The following MYLK variants were observed in gnomAD, a reference collection of about 807,000 sequenced individuals.
The protein encoded by MYLK is myosin light chain kinase.
Under a neutral mutation model 203.4 loss-of-function variants are expected in MYLK, and 106 were observed. The observed-to-expected ratio is 0.52, with a 90% confidence interval of 0.45 to 0.61. MYLK has a LOEUF of 0.61. Ranked by LOEUF, MYLK falls within the 20% of genes least tolerant of loss-of-function variation. The pLI is 0.00. For synonymous variants in MYLK, 867 were observed against 959.5 expected, an observed-to-expected ratio of 0.90 and a Z score of 1.78; for missense variants, 2,072 against 2,442.3, an observed-to-expected ratio of 0.85 and a Z score of 3.20.
intron 11 of MYLK, among the ~76,000 whole-genome samples, chr3:123,729,026 C>T (rs1453645359): frequency 6.6e-6 from 1 of 152,134 alleles, no homozygotes; most frequent in Non-Finnish European, 1.5e-5. Flanking sequence ...AATGAGATGT[C>T]CAGGACTTTG....
At chr3:123,869,722 C>T (rs1018962865) in intron 2 of MYLK, among the ~76,000 whole-genome samples, 1 of 152,166 alleles carries the variant, frequency 6.6e-6, no homozygotes, top group Non-Finnish European at 1.5e-5. Flanking sequence ...CACAACAATT[C>T]TGGGAAGTTG....
chr3:123,817,761 C>T lies in MYLK; in HGVS notation c.-4+13787G>A, dbSNP rs954790130. On this transcript the variant is annotated intron_variant, in intron 3 of 33. Transcript: ENST00000360304. ...CAAAAATAGGGCAGGCCTGAGAGTG[C>T]GAGGAGCTGCAGAACTAACTCCTCC... Among the ~76,000 whole-genome samples, 11 of 152,070 alleles carry T rather than the reference C, an allele frequency of 7.2e-5. 1 individual carries two copies. Among genetic ancestry groups the T allele is most frequent in the Admixed American group, 7.2e-4 (11 of 15,264 alleles).
chr3:123,832,924 C>T (rs1271053117), intron 2 of MYLK, among the ~76,000 whole-genome samples: 3 of 152,264 alleles, frequency 2.0e-5, no homozygotes, highest in African/African-American at 7.2e-5. Context: ...AACGTCCTTA[C>T]ACAATCCCTT....
chr3:123,696,766 GGGCA>G (rs2060946256), intron 18 of MYLK, among the ~76,000 whole-genome samples: 1 of 152,064 alleles, frequency 6.6e-6, no homozygotes, highest in East Asian at 1.9e-4. Context: ...TTTGTCTTTT[GGGCA>G]CAGAGTCCAC....
rs193007255 is a variant in MYLK, at chr3:123,707,756, G to C, written c.2388C>G (p.Leu796=). 1.2e-6 allele frequency: 2 copies of C among 1,614,186 alleles called. No individual in the cohort carries two copies. The highest frequency in any genetic ancestry group is 1.7e-6 in the Non-Finnish European group (2 of 1,180,050). Residue 796 remains leucine (L), a splice_region_variant and synonymous_variant, in exon 16 of 34, where the codon CTC becomes CTG. Coordinates refer to ENST00000360304, the MANE Select transcript of MYLK (RefSeq NM_053025.4). The part of the protein sequence containing the change: ...PWHAGQYEIL[L]KNRVGECSCQ... Reference sequence around the variant, plus strand: ...GCTGGCTGGACATGCAGACTCACTTGAGCAGGATCTCATACTGGCCGGCAT... The same window carrying C: ...GCTGGCTGGACATGCAGACTCACTTCAGCAGGATCTCATACTGGCCGGCAT...
intron 11 of MYLK, among the ~76,000 whole-genome samples, chr3:123,730,395 A>G (rs1345686843): frequency 1.3e-5 from 2 of 152,238 alleles, no homozygotes; most frequent in African/African-American, 2.4e-5. Flanking sequence ...ACCCAACAAT[A>G]TATGTGGTCT....
chr3:123,875,671 A>G (rs573025081), intron 2 of MYLK, among the ~76,000 whole-genome samples: 2 of 152,184 alleles, frequency 1.3e-5, no homozygotes, highest in Non-Finnish European at 2.9e-5. Context: ...ACTTTTTTAC[A>G]TGAGAAAGAA....
chr3:123,708,368 G>A (rs1359211240), intron 15 of MYLK, among the ~76,000 whole-genome samples: 1 of 152,182 alleles, frequency 6.6e-6, no homozygotes, highest in Non-Finnish European at 1.5e-5. Context: ...CTAATGGCAA[G>A]GACCCTGTTA....
intron 3 of MYLK, among the ~76,000 whole-genome samples, chr3:123,798,394 C>G (rs556108317): frequency 2.0e-5 from 3 of 152,220 alleles, no homozygotes; most frequent in Admixed American, 6.5e-5. Flanking sequence ...TGTGCCTCCC[C>G]CTTCTGCTGT....
chr3:123,787,826 C>T (rs2064597052), intron 4 of MYLK, among the ~76,000 whole-genome samples: 1 of 152,176 alleles, frequency 6.6e-6, no homozygotes, highest in African/African-American at 2.4e-5. Flanking sequence ...TACCCCATTC[C>T]TAACCCCAAA....
chr3:123,636,580 C>T (rs2058651926), intron 29 of MYLK, among the ~76,000 whole-genome samples: 1 of 152,240 alleles, frequency 6.6e-6, no homozygotes. Flanking sequence ...TTTCCCAGGG[C>T]CAGAGGTTAG....
rs1032000216 is a variant in MYLK, at chr3:123,610,572, C to A, written c.*3533G>T. ...CACTGACTAGGACTAGTCACATGGCCCCATCTAACCAGGAAGCCGAGAGTG... is the reference window on the plus strand; with the variant it reads ...CACTGACTAGGACTAGTCACATGGCACCATCTAACCAGGAAGCCGAGAGTG... On this transcript the variant is annotated 3_prime_UTR_variant, in exon 34 of 34. Coordinates refer to ENST00000360304, the MANE Select transcript of MYLK (RefSeq NM_053025.4). 8 of 152,114 alleles carry A rather than the reference C, an allele frequency of 5.3e-5. No individual in the cohort carries two copies. Among genetic ancestry groups the A allele is most frequent in the African/African-American group, 1.9e-4 (8 of 41,388 alleles). The allele number at this position is 152,114 out of a possible 1,614,324, so 9.4% of individuals were successfully genotyped here.
chr3:123,700,482 C>T lies in MYLK; in HGVS notation c.2986G>A (p.Gly996Ser), dbSNP rs1047925630. The T allele has an allele frequency of 6.2e-7, 1 of 1,607,828 alleles. No individual in the cohort carries two copies. The highest frequency in any genetic ancestry group is 8.5e-7 in the Non-Finnish European group (1 of 1,175,702). Residue 996 changes from glycine (G) to serine (S), a missense_variant, in exon 18 of 34, where the codon GGC (glycine) becomes AGC (serine). Gly to Ser is a moderately conservative substitution (Grantham distance 56, BLOSUM62 0). Around this residue, in one of 3 missense-constraint regions of MYLK, gnomAD observed 865 missense variants for 1,016.0 expected, o/e 0.85. Coordinates refer to ENST00000360304, the MANE Select transcript of MYLK (RefSeq NM_053025.4). ...TTCAGGGTCTCGGCACTGCTGCTGC[C>T]ATTCTCTGCTGGTAATTTCTTCTTG... ...GGKKKLPAEN[G>S]SSSAETLNAK...
At chr3:123,825,584 A>G (rs1166925051) in intron 3 of MYLK, among the ~76,000 whole-genome samples, 1 of 152,154 alleles carries the variant, frequency 6.6e-6, no homozygotes, top group Non-Finnish European at 1.5e-5. Context: ...TGCACTTCCC[A>G]TCTCTCCCAT....
chr3:123,748,400 A>G (rs2063086595), intron 5 of MYLK, among the ~76,000 whole-genome samples: 1 of 152,064 alleles, frequency 6.6e-6, no homozygotes, highest in South Asian at 2.1e-4. Context: ...CCATATCAAC[A>G]CCTGTTCATC....
At chr3:123,620,118 A>G (rs2057766871) in intron 32 of MYLK, 89 bp downstream of exon 32, 2 of 1,205,614 alleles carry the variant, frequency 1.7e-6, no homozygotes, top group African/African-American at 1.5e-5. Context: ...ATAAAAAAAA[A>G]AAGAACAAAA....
intron 2 of MYLK, among the ~76,000 whole-genome samples, chr3:123,841,439 C>T (rs2066589513): frequency 6.6e-6 from 1 of 152,086 alleles, no homozygotes; most frequent in Admixed American, 6.6e-5. Flanking sequence ...CTATGGAATA[C>T]CTTGTAAAAA....
intron 11 of MYLK, 54 bp from the exon 12 acceptor site, chr3:123,726,132 T>A: frequency 6.2e-7 from 1 of 1,609,882 alleles, no homozygotes; most frequent in Admixed American, 1.7e-5. Context: ...ACTCTGGTGA[T>A]GCCTGCAGTC....
rs1284432427 is a variant in MYLK at position 123,648,032 on chromosome 3, C to T, written c.4416-605G>A. Among the ~76,000 whole-genome samples the T allele has an allele frequency of 2.0e-5, 3 of 152,208 alleles. No individual in the cohort carries two copies. Among genetic ancestry groups the T allele is most frequent in the Non-Finnish European group, 2.9e-5 (2 of 68,038 alleles). On this transcript the variant is annotated intron_variant, in intron 26 of 33. Transcript: ENST00000360304. The surrounding 1 kb of genome is among the most constrained non-coding windows in gnomAD (Gnocchi z 4.5). ...TACCACTGACCCCCTGGTGATGGCC[C>T]AGGCAGGGTCCTGCTTCCTACTGCT...
Sources: allele counts gnomAD v4.1 joint callset (sites outside exome capture counted in the v4.1 genomes callset), GRCh38; gene constraint gnomAD v4.1.1; regional missense constraint gnomAD v4.1.1; non-coding constraint Gnocchi (gnomAD v3.1); transcripts MANE v1.5; gene names NCBI Gene and HGNC (gene_info 2026-07-23, HGNC 2026-07-21).